The following TENM3 variants were observed in gnomAD, a reference collection of about 807,000 sequenced individuals.
The protein encoded by TENM3 is teneurin-3.
TENM3 carries 63 observed loss-of-function variants against 255.1 expected under a neutral mutation model. The ratio of observed to expected loss-of-function variants is 0.25; its 90% confidence interval spans 0.20 to 0.30. The LOEUF (loss-of-function observed/expected upper bound fraction) is 0.30. Among genes scored for constraint, TENM3 ranks in the 10% least tolerant of loss-of-function variants. TENM3 has a pLI of 1.00. For synonymous variants in TENM3, 1,306 were observed against 1,322.3 expected (o/e 0.99, Z 0.27); for missense variants, 2,929 against 3,461.1 (o/e 0.85, Z 3.86).
chr4:182,046,193 A>G, the TENM3 span, among the ~76,000 whole-genome samples: 1 of 152,200 alleles, frequency 6.6e-6, no homozygotes, highest in East Asian at 1.9e-4. Context: ...ATGAAGTGCC[A>G]TTTTAAATCA....
intron 1 of TENM3, among the ~76,000 whole-genome samples, chr4:182,197,262 T>C (rs1333046555): frequency 6.6e-6 from 1 of 152,204 alleles, no homozygotes; most frequent in Non-Finnish European, 1.5e-5. Flanking sequence ...GCATCTACAC[T>C]CAAAGCTTGG....
the TENM3 span, among the ~76,000 whole-genome samples, chr4:181,960,412 G>A: frequency 6.6e-6 from 1 of 152,132 alleles, no homozygotes; most frequent in Non-Finnish European, 1.5e-5. Flanking sequence ...AAATATTTCA[G>A]TACACATATA....
the TENM3 span, among the ~76,000 whole-genome samples, chr4:182,048,608 G>A: frequency 0.013 from 1,973 of 152,220 alleles, 50 homozygotes; most frequent in African/African-American, 0.044. Context: ...CATGTTCAGG[G>A]TAAAGGATAT....
At chr4:181,634,944 A>C in the TENM3 span, among the ~76,000 whole-genome samples, 1 of 152,088 alleles carries the variant, frequency 6.6e-6, no homozygotes, top group Non-Finnish European at 1.5e-5. Context: ...ATTCATCTTC[A>C]CCCTTTTTTT....
Position 182,672,200 on chromosome 4 carries a change from G to C in TENM3, c.1112-805G>C, listed in dbSNP as rs187935408. ...TACCAAAAAGAGGAGTCTTGGATCT[G>C]TTTTCTAGAAGGAGGCCATGCAGGA... On this transcript the variant is annotated intron_variant, in intron 6 of 27. Coordinates refer to ENST00000511685, the MANE Select transcript of TENM3 (RefSeq NM_001080477.4). Among the ~76,000 whole-genome samples the C allele has an allele frequency of 3.2e-3, 487 of 152,320 alleles. 7 individuals carry two copies. Among genetic ancestry groups the C allele is most frequent in the African/African-American group, 0.011 (470 of 41,572 alleles).
chr4:182,677,817 T>A (rs2152561711), intron 7 of TENM3, among the ~76,000 whole-genome samples: 1 of 152,292 alleles, frequency 6.6e-6, no homozygotes, highest in South Asian at 2.1e-4. Flanking sequence ...AATTAGATAC[T>A]CTAAGTTCTC....
At chr4:181,728,848 C>T in the TENM3 span, among the ~76,000 whole-genome samples, 1 of 152,098 alleles carries the variant, frequency 6.6e-6, no homozygotes, top group African/African-American at 2.4e-5. Context: ...GGTTCAAACA[C>T]CTCTGACAGT....
At chr4:182,515,013 G>C (rs1737795215) in intron 3 of TENM3, among the ~76,000 whole-genome samples, 1 of 152,236 alleles carries the variant, frequency 6.6e-6, no homozygotes, top group East Asian at 1.9e-4. Context: ...TTCAAAGAGG[G>C]AATAATCAGC....
the TENM3 span, among the ~76,000 whole-genome samples, chr4:182,087,006 T>C: frequency 5.3e-5 from 8 of 152,216 alleles, no homozygotes; most frequent in African/African-American, 9.6e-5. Context: ...TACCAAAGCA[T>C]GTTTGGCCCA....
intron 3 of TENM3, among the ~76,000 whole-genome samples, chr4:182,383,302 T>G (rs986585152): frequency 6.6e-5 from 10 of 151,984 alleles, no homozygotes; most frequent in African/African-American, 2.4e-4. Context: ...CTAAACTGAT[T>G]TAGCGAGAGT....
chr4:181,455,132 G>A, the TENM3 span, among the ~76,000 whole-genome samples: 2 of 152,200 alleles, frequency 1.3e-5, no homozygotes, highest in Admixed American at 6.5e-5. Context: ...GGTACAAAAA[G>A]AGAACTTATG....
At position 182,154,946 on chromosome 4, in the gene TENM3, A is replaced by G. The variant is rs1164079084; in HGVS notation, c.-76+10192A>G. ...TAATGAACAATTGTTTGCACAGCATAAGAGTCTGATAAAAATGTGTCATTC... is the reference window on the plus strand; with the variant it reads ...TAATGAACAATTGTTTGCACAGCATGAGAGTCTGATAAAAATGTGTCATTC... On this transcript the variant is annotated intron_variant, in intron 1 of 2. Transcript: ENST00000512480. Among the ~76,000 whole-genome samples, 5 of 152,226 alleles carry G rather than the reference A, an allele frequency of 3.3e-5. No individual in the cohort carries two copies. In the East Asian group the frequency reaches 9.6e-4, roughly 29 times the overall value.
At chr4:182,328,911 T>C (rs1763586714) in intron 2 of TENM3, among the ~76,000 whole-genome samples, 1 of 151,968 alleles carries the variant, frequency 6.6e-6, no homozygotes, top group Admixed American at 6.6e-5. Context: ...GATTCCCCAC[T>C]GCCGGACCTC....
intron 1 of TENM3, among the ~76,000 whole-genome samples, chr4:182,188,304 A>G (rs1395859379): frequency 6.6e-6 from 1 of 152,128 alleles, no homozygotes; most frequent in Non-Finnish European, 1.5e-5. Flanking sequence ...CAGTTTCCAT[A>G]TCTGTAGATG....
chr4:181,513,087 G>A, the TENM3 span, among the ~76,000 whole-genome samples: 255 of 152,070 alleles, frequency 1.7e-3, 2 homozygotes, highest in Middle Eastern at 0.014. Context: ...GGACATTCCC[G>A]TGGTTTACAA....
chr4:182,417,474 C>G (rs1304825944), intron 3 of TENM3, among the ~76,000 whole-genome samples: 1 of 152,076 alleles, frequency 6.6e-6, no homozygotes, highest in East Asian at 1.9e-4. Context: ...GTATGACATG[C>G]TTTTTCTTTA....
At chr4:182,326,263 G>T (rs1422848817) in intron 2 of TENM3, among the ~76,000 whole-genome samples, 1 of 152,188 alleles carries the variant, frequency 6.6e-6, no homozygotes, top group Non-Finnish European at 1.5e-5. Context: ...ACCCTACTGC[G>T]TGCTGGTCAG....
chr4:181,643,965 A>G, the TENM3 span, among the ~76,000 whole-genome samples: 1 of 151,600 alleles, frequency 6.6e-6, no homozygotes, highest in Admixed American at 6.6e-5. Context: ...ATGCCCACCT[A>G]CTTGGGAGCC....
the TENM3 span, among the ~76,000 whole-genome samples, chr4:182,123,621 T>A: frequency 6.6e-6 from 1 of 152,302 alleles, no homozygotes; most frequent in South Asian, 2.1e-4. Context: ...GCATGGCTCA[T>A]GGCACCCCAA....
Sources: allele counts gnomAD v4.1 joint callset (sites outside exome capture counted in the v4.1 genomes callset), GRCh38; gene constraint gnomAD v4.1.1; transcripts MANE v1.5; gene names NCBI Gene and HGNC (gene_info 2026-07-23, HGNC 2026-07-21).